Variants in SH3BGRL observed in about 807,000 individuals in gnomAD.
The protein encoded by SH3BGRL is adapter SH3BGRL.
Under a neutral mutation model 9.8 loss-of-function variants are expected in SH3BGRL, and 7 were observed. The observed-to-expected ratio is 0.72, with a 90% CI of 0.41 to 1.35. The LOEUF (loss-of-function observed/expected upper bound fraction) is 1.35. Ranked by LOEUF, SH3BGRL falls within the 40% of genes most tolerant of loss-of-function variation. SH3BGRL has a pLI of 0.01. For synonymous variants in SH3BGRL, 36 were observed against 29.1 expected, an observed-to-expected ratio of 1.24 and a Z score of -0.76; for missense variants, 73 against 84.4, an observed-to-expected ratio of 0.86 and a Z score of 0.53.
intron 3 of SH3BGRL, among the ~76,000 whole-genome samples, chrX:81,284,809 A>C (rs1162182964): frequency 9.0e-6 from 1 of 110,853 alleles, no homozygotes; most frequent in Non-Finnish European, 1.9e-5. Context: ...TAAATAAATA[A>C]ATAAACAGAC....
At chrX:81,291,124 T>A (rs975882528) in intron 3 of SH3BGRL, among the ~76,000 whole-genome samples, 2 of 112,121 alleles carry the variant, frequency 1.8e-5, no homozygotes, top group Middle Eastern at 9.2e-3. Flanking sequence ...TAAACACTGT[T>A]AAAGCTTCAA....
intron 1 of SH3BGRL, among the ~76,000 whole-genome samples, chrX:81,210,998 C>G (rs2075561457): frequency 8.9e-6 from 1 of 111,834 alleles, no homozygotes; most frequent in South Asian, 3.7e-4. Flanking sequence ...TTATTGCAAT[C>G]TAATGAAAAG....
chrX:81,278,290 G>T (rs1390787468), intron 2 of SH3BGRL, 41 bp from the exon 3 acceptor site: 3 of 950,529 alleles, frequency 3.2e-6, no homozygotes, highest in Admixed American at 5.2e-5. Flanking sequence ...TTCTTTTATT[G>T]GTTGCATATT....
chrX:81,283,252 A>G (rs369310081), intron 3 of SH3BGRL, among the ~76,000 whole-genome samples: 1 of 111,714 alleles, frequency 9.0e-6, no homozygotes, highest in South Asian at 3.7e-4. Context: ...AAGAAGAATT[A>G]ATACCAATCT....
intron 1 of SH3BGRL, among the ~76,000 whole-genome samples, chrX:81,270,096 T>A (rs1028330136): frequency 1.8e-5 from 2 of 110,561 alleles, no homozygotes; most frequent in Non-Finnish European, 3.8e-5. Flanking sequence ...TCTCTACACT[T>A]GTTATTCTAC....
chrX:81,216,257 A>G (rs2075581062), intron 1 of SH3BGRL, among the ~76,000 whole-genome samples: 1 of 110,801 alleles, frequency 9.0e-6, no homozygotes, highest in Non-Finnish European at 1.9e-5. Flanking sequence ...CTATATATCA[A>G]TATGCATTAT....
chrX:81,223,446 G>A (rs962933128), intron 1 of SH3BGRL, among the ~76,000 whole-genome samples: 2 of 111,112 alleles, frequency 1.8e-5, no homozygotes, highest in African/African-American at 6.5e-5. Flanking sequence ...TATTTCCTAA[G>A]TACCCACTGA....
intron 1 of SH3BGRL, among the ~76,000 whole-genome samples, chrX:81,210,345 G>A (rs776436633): frequency 8.1e-5 from 9 of 110,933 alleles, no homozygotes; most frequent in African/African-American, 9.8e-5. Context: ...ATTGGAGACC[G>A]TTCTCTTCAG....
At chrX:81,248,062 A>G (rs1385922753) in intron 1 of SH3BGRL, among the ~76,000 whole-genome samples, 1 of 109,832 alleles carries the variant, frequency 9.1e-6, no homozygotes, top group Non-Finnish European at 1.9e-5. Flanking sequence ...GAATATATTT[A>G]TATCTTCTAG....
At chrX:81,219,952 A>C (rs1355081513) in intron 1 of SH3BGRL, among the ~76,000 whole-genome samples, 1 of 111,712 alleles carries the variant, frequency 9.0e-6, no homozygotes, top group Non-Finnish European at 1.9e-5. Flanking sequence ...CCATCTTTGC[A>C]TCCCTGGGAT....
rs561649459 is a variant in SH3BGRL, at chrX:81,284,657, T to C, written c.312+6246T>C. Among the ~76,000 whole-genome samples the C allele has an allele frequency of 9.2e-4, 102 of 110,812 alleles. No homozygotes were observed. The Admixed American group carries it at 9.4e-3, about 10-fold the overall frequency. ...GAGAAATTTTAATGTGTGGGAAGGT[T>C]AGGGAAAGTCAGATTTGAAAGTATA... On this transcript the variant is annotated intron_variant, in intron 3 of 3. Coordinates refer to ENST00000373212, the MANE Select transcript of SH3BGRL (RefSeq NM_003022.3).
chrX:81,270,297 G>T (rs762025356), intron 1 of SH3BGRL, among the ~76,000 whole-genome samples: 2 of 111,313 alleles, frequency 1.8e-5, no homozygotes, highest in Admixed American at 1.9e-4. Context: ...TAGAAGAGGC[G>T]TTCTGGTTTT....
At chrX:81,242,075 C>G (rs1301603490) in intron 1 of SH3BGRL, among the ~76,000 whole-genome samples, 1 of 112,558 alleles carries the variant, frequency 8.9e-6, no homozygotes, top group East Asian at 2.8e-4. Context: ...GGAATAAGAA[C>G]TTGTAAGTAA....
At chrX:81,248,879 C>T (rs1417155001) in intron 1 of SH3BGRL, among the ~76,000 whole-genome samples, 1 of 111,289 alleles carries the variant, frequency 9.0e-6, no homozygotes, top group Admixed American at 9.5e-5. Flanking sequence ...TAGGGAGAGG[C>T]TCTCTGCCTC....
chrX:81,297,087 C>G, intron 3 of SH3BGRL, 108 bp from the exon 4 acceptor site: 1 of 550,746 alleles, frequency 1.8e-6, no homozygotes, highest in Non-Finnish European at 2.9e-6. Context: ...CTTCTGGGGG[C>G]TTTTGTTTAT....
At chrX:81,252,510 C>CT (rs977889356) in intron 1 of SH3BGRL, among the ~76,000 whole-genome samples, 40 of 111,620 alleles carry the variant, frequency 3.6e-4, no homozygotes, top group African/African-American at 1.1e-3. Context: ...CTGAACTTCG[C>CT]TTTTTAGTAA....
chrX:81,248,452 G>C (rs2075697604), intron 1 of SH3BGRL, among the ~76,000 whole-genome samples: 1 of 112,291 alleles, frequency 8.9e-6, no homozygotes, highest in Non-Finnish European at 1.9e-5. Context: ...AGCTGGCCCT[G>C]GTGGCAAGTC....
intron 3 of SH3BGRL, among the ~76,000 whole-genome samples, chrX:81,286,104 C>T (rs2075833166): frequency 9.0e-6 from 1 of 111,229 alleles, no homozygotes; most frequent in Non-Finnish European, 1.9e-5. Context: ...ATGTATTTGT[C>T]TACTGTGATT....
chrX:81,276,908 A>G, intron 1 of SH3BGRL, 76 bp from the exon 2 acceptor site: 1 of 865,624 alleles, frequency 1.2e-6, no homozygotes, highest in Non-Finnish European at 1.6e-6. Context: ...TTCTGTCTGA[A>G]TTCATTTCTG....
Sources: gnomAD v4.1 joint callset for allele counts (sites outside exome capture counted in the v4.1 genomes callset) on GRCh38, gnomAD v4.1.1 for gene constraint, MANE v1.5 for transcripts, NCBI Gene and HGNC (gene_info 2026-07-23, HGNC 2026-07-21) for gene names.